SLC4A4: variants seen among roughly 807,000 people sequenced by gnomAD.
SLC4A4 encodes solute carrier family 4 member 4.
In SLC4A4, 27 loss-of-function variants were observed where a neutral mutation model predicts 111.5. The observed-to-expected ratio is 0.24, with a 90% CI of 0.18 to 0.33. The LOEUF is 0.33. Ranked by LOEUF, SLC4A4 falls within the 10% of genes least tolerant of loss-of-function variation. SLC4A4 has a pLI of 1.00. For synonymous variants in SLC4A4, 443 were observed against 463.4 expected, an observed-to-expected ratio of 0.96 and a Z score of 0.57; for missense variants, 909 against 1,315.5, an observed-to-expected ratio of 0.69 and a Z score of 4.78.
At chr4:71,324,628 T>C (rs1727369424) in intron 3 of SLC4A4, among the ~76,000 whole-genome samples, 1 of 151,978 alleles carries the variant, frequency 6.6e-6, no homozygotes, top group Non-Finnish European at 1.5e-5. Flanking sequence ...TTGGCAGAAG[T>C]TAGGAAAGAA....
intron 19 of SLC4A4, among the ~76,000 whole-genome samples, chr4:71,547,150 T>G (rs1735611220): frequency 1.3e-5 from 2 of 151,878 alleles, no homozygotes; most frequent in Non-Finnish European, 2.9e-5. Flanking sequence ...GGGAATTATA[T>G]TTGTTGAAAA....
At chr4:71,200,927 A>T (rs1411719319) in intron 1 of SLC4A4, among the ~76,000 whole-genome samples, 1 of 151,900 alleles carries the variant, frequency 6.6e-6, no homozygotes, top group Non-Finnish European at 1.5e-5. Flanking sequence ...TTTTATTGAG[A>T]CCTCTTGGCT....
chr4:71,501,996 C>G (rs973730283), intron 16 of SLC4A4, among the ~76,000 whole-genome samples: 41 of 152,076 alleles, frequency 2.7e-4, no homozygotes, highest in Admixed American at 2.4e-3. Context: ...GAGTCTTGCT[C>G]TGTTGCCCAG....
intron 5 of SLC4A4, among the ~76,000 whole-genome samples, chr4:71,354,193 A>T (rs1730086837): frequency 6.6e-6 from 1 of 152,166 alleles, no homozygotes; most frequent in Admixed American, 6.5e-5. Flanking sequence ...AAGTTAAAAA[A>T]ATTATAAGCC....
chr4:71,402,431 GC>G (rs1045471757), intron 7 of SLC4A4, among the ~76,000 whole-genome samples: 2 of 152,152 alleles, frequency 1.3e-5, no homozygotes, highest in African/African-American at 4.8e-5. Context: ...AAGTACAAAA[GC>G]ACCTCCTTTT....
intron 18 of SLC4A4, among the ~76,000 whole-genome samples, chr4:71,545,106 A>G (rs552020186): frequency 6.6e-6 from 1 of 152,194 alleles, no homozygotes; most frequent in Admixed American, 6.6e-5. Context: ...GGTTTTATGA[A>G]TGTATATTAA....
chr4:71,301,931 A>G (rs935684065), intron 3 of SLC4A4, among the ~76,000 whole-genome samples: 2 of 152,284 alleles, frequency 1.3e-5, no homozygotes, highest in Admixed American at 6.5e-5. Context: ...TTCCCCACCA[A>G]ACTTCTGAAG....
chr4:71,473,296 A>G, intron 14 of SLC4A4: 1 of 593,158 alleles, frequency 1.7e-6, no homozygotes. Flanking sequence ...ACATGTATTA[A>G]CAGATATAAA....
chr4:71,220,564 A>G (rs902829199), intron 1 of SLC4A4, among the ~76,000 whole-genome samples: 1 of 152,130 alleles, frequency 6.6e-6, no homozygotes, highest in African/African-American at 2.4e-5. Flanking sequence ...TTAATATCCA[A>G]GCTTTCTTGA....
At chr4:71,404,376 C>T (rs139041873) in intron 7 of SLC4A4, among the ~76,000 whole-genome samples, 8 of 152,334 alleles carry the variant, frequency 5.3e-5, no homozygotes, top group African/African-American at 1.9e-4. Context: ...CTCTGTGCCA[C>T]ATTCTTACCT....
chr4:71,523,158 A>C (rs1733109622), intron 16 of SLC4A4, among the ~76,000 whole-genome samples: 1 of 152,152 alleles, frequency 6.6e-6, no homozygotes, highest in Non-Finnish European at 1.5e-5. Context: ...AGGAGTAAGA[A>C]ATAATGGGCA....
chr4:71,237,461 A>T (rs911590634), intron 2 of SLC4A4, among the ~76,000 whole-genome samples: 13 of 152,338 alleles, frequency 8.5e-5, no homozygotes, highest in African/African-American at 3.1e-4. Context: ...TGAAACTTGC[A>T]GGTGAATCAT....
At chr4:71,527,905 G>A (rs549130505) in intron 16 of SLC4A4, among the ~76,000 whole-genome samples, 37 of 152,150 alleles carry the variant, frequency 2.4e-4, no homozygotes, top group African/African-American at 8.7e-4. Flanking sequence ...CACTTAGGGA[G>A]AGAATATAGA....
At chr4:71,249,997 A>G (rs1180503434) in intron 2 of SLC4A4, among the ~76,000 whole-genome samples, 1 of 152,104 alleles carries the variant, frequency 6.6e-6, no homozygotes, top group Non-Finnish European at 1.5e-5. Flanking sequence ...CCTGGACTTG[A>G]TACTGTAGTT....
intron 18 of SLC4A4, among the ~76,000 whole-genome samples, chr4:71,546,011 A>G (rs1735488249): frequency 6.6e-6 from 1 of 152,088 alleles, no homozygotes; most frequent in Non-Finnish European, 1.5e-5. Flanking sequence ...TAAGTCCTCT[A>G]TGGAGTGGGC....
At chr4:71,502,448 A>T (rs1731037637) in intron 16 of SLC4A4, among the ~76,000 whole-genome samples, 5 of 151,944 alleles carry the variant, frequency 3.3e-5, no homozygotes, top group Admixed American at 3.3e-4. Context: ...TCTTCTTTCG[A>T]TGTAGTCATT....
intron 1 of SLC4A4, among the ~76,000 whole-genome samples, chr4:71,091,355 C>T (rs1471305157): frequency 6.6e-6 from 1 of 151,644 alleles, no homozygotes; most frequent in Non-Finnish European, 1.5e-5. Flanking sequence ...CGGGTTCACG[C>T]CATTCTCCTG....
chr4:71,511,704 A>G (rs1330014616), intron 16 of SLC4A4, among the ~76,000 whole-genome samples: 1 of 152,042 alleles, frequency 6.6e-6, no homozygotes, highest in African/African-American at 2.4e-5. Context: ...CCTTTTATCA[A>G]ACATTGAATT....
At chr4:71,453,697 A>C (rs375021762) in intron 12 of SLC4A4, 28 bp downstream of exon 12, 18 of 1,611,792 alleles carry the variant, frequency 1.1e-5, no homozygotes, top group Non-Finnish European at 1.5e-5. Context: ...GAGGACACAA[A>C]TAGTACAGCC....
Sources: gnomAD v4.1 joint callset for allele counts (sites outside exome capture counted in the v4.1 genomes callset) on GRCh38, gnomAD v4.1.1 for gene constraint, MANE v1.5 for transcripts, NCBI Gene and HGNC (gene_info 2026-07-23, HGNC 2026-07-21) for gene names.